The following PREX1 variants were observed in gnomAD, a reference collection of about 807,000 sequenced individuals.
The protein encoded by PREX1 is phosphatidylinositol 3,4,5-trisphosphate-dependent Rac exchanger 1 protein.
PREX1 carries 41 observed loss-of-function variants against 198.3 expected under a neutral mutation model. That is an observed-to-expected ratio of 0.21 (90% CI 0.16 to 0.27). PREX1 has a LOEUF of 0.27. Among genes scored for constraint, PREX1 ranks in the 10% least tolerant of loss-of-function variants. The pLI is 1.00. For missense variants in PREX1, 1,620 were observed against 2,200.7 expected (o/e 0.74, Z 5.28); for synonymous variants, 843 against 887.2 (o/e 0.95, Z 0.89).
chr20:48,751,500 G>C (rs534125196), intron 1 of PREX1, among the ~76,000 whole-genome samples: 8 of 152,198 alleles, frequency 5.3e-5, no homozygotes, highest in Admixed American at 4.6e-4. Context: ...TGGGCAGCTC[G>C]TGACCCGGAA....
intron 11 of PREX1, 30 bp downstream of exon 11, chr20:48,681,205 T>C (rs2089747380): frequency 6.3e-7 from 1 of 1,596,140 alleles, no homozygotes; most frequent in Admixed American, 1.7e-5. Context: ...TCCCACCCCT[T>C]GGCCCAGCTG....
intron 6 of PREX1, among the ~76,000 whole-genome samples, chr20:48,707,899 C>A (rs2089910554): frequency 6.6e-6 from 1 of 152,116 alleles, no homozygotes; most frequent in Non-Finnish European, 1.5e-5. Flanking sequence ...GGAGTGGACA[C>A]TAGAACCCGA....
intron 14 of PREX1, among the ~76,000 whole-genome samples, chr20:48,671,909 C>T (rs1271597260): frequency 6.6e-6 from 1 of 152,240 alleles, no homozygotes; most frequent in Non-Finnish European, 1.5e-5. Context: ...TGGATGGACA[C>T]ATTGCATGGT....
At chr20:48,821,026 C>T (rs2090482023) in intron 1 of PREX1, among the ~76,000 whole-genome samples, 1 of 152,104 alleles carries the variant, frequency 6.6e-6, no homozygotes, top group Non-Finnish European at 1.5e-5. Flanking sequence ...ATGGTGAAAC[C>T]CTGTCTCTAC....
chr20:48,780,223 G>T (rs1471561622), intron 1 of PREX1, among the ~76,000 whole-genome samples: 1 of 152,156 alleles, frequency 6.6e-6, no homozygotes. Context: ...CCAATTAAAA[G>T]AGCTAGGGGT....
chr20:48,636,282 T>C (rs1195914960), intron 32 of PREX1, among the ~76,000 whole-genome samples, 181 bp downstream of exon 32: 1 of 152,262 alleles, frequency 6.6e-6, no homozygotes, highest in African/African-American at 2.4e-5. Flanking sequence ...GGGACTCTGT[T>C]TTGTTCACTG....
chr20:48,631,905 C>T (rs2089317011), intron 35 of PREX1, among the ~76,000 whole-genome samples: 1 of 152,112 alleles, frequency 6.6e-6, no homozygotes, highest in African/African-American at 2.4e-5. Context: ...CACTCACAGG[C>T]CCAAGAGTCC....
intron 18 of PREX1, chr20:48,656,585 G>A (rs1199642662): frequency 2.2e-6 from 1 of 456,060 alleles, no homozygotes; most frequent in Non-Finnish European, 4.4e-6. Flanking sequence ...TCTTCCTCCA[G>A]AAATCCCCTT....
At chr20:48,636,158 C>T (rs1207373847) in intron 32 of PREX1, among the ~76,000 whole-genome samples, 2 of 152,240 alleles carry the variant, frequency 1.3e-5, no homozygotes, top group Non-Finnish European at 2.9e-5. Context: ...TACCAAGTGT[C>T]CCCTAGTGGG....
the PREX1 span, among the ~76,000 whole-genome samples, chr20:48,835,574 C>G: frequency 2.7e-3 from 417 of 152,242 alleles, no homozygotes; most frequent in Middle Eastern, 0.014. Context: ...GGGAGTGGGC[C>G]CCACCTGTGT....
At chr20:48,647,976 G>A (rs992262947) in intron 25 of PREX1, among the ~76,000 whole-genome samples, 5 of 152,298 alleles carry the variant, frequency 3.3e-5, no homozygotes, top group Admixed American at 3.3e-4. Context: ...TGCAATCATG[G>A]CTTACTGCAG....
intron 1 of PREX1, among the ~76,000 whole-genome samples, chr20:48,782,893 G>A (rs1023667406): frequency 3.9e-5 from 6 of 152,174 alleles, no homozygotes; most frequent in Non-Finnish European, 5.9e-5. Flanking sequence ...GTCTAAGGTG[G>A]GGTTAGCAAG....
chr20:48,716,079 A>G (rs1287039308), intron 5 of PREX1, among the ~76,000 whole-genome samples: 1 of 152,072 alleles, frequency 6.6e-6, no homozygotes, highest in Non-Finnish European at 1.5e-5. Flanking sequence ...GGTCCTGGGG[A>G]TCCTTTAGAA....
chr20:48,834,088 C>CAA, the PREX1 span, among the ~76,000 whole-genome samples: 6 of 129,332 alleles, frequency 4.6e-5, no homozygotes, highest in African/African-American at 1.4e-4. Flanking sequence ...GACTCAGTCT[C>CAA]AAAAAAAAAA....
chr20:48,726,737 T>C (rs895362884), intron 4 of PREX1, among the ~76,000 whole-genome samples: 1 of 152,070 alleles, frequency 6.6e-6, no homozygotes, highest in Non-Finnish European at 1.5e-5. Flanking sequence ...TACAGAAAAA[T>C]TCACCCATTC....
chr20:48,709,975 T>C (rs2089923076), intron 5 of PREX1, among the ~76,000 whole-genome samples: 1 of 152,198 alleles, frequency 6.6e-6, no homozygotes, highest in African/African-American at 2.4e-5. Flanking sequence ...CTGGTCTGCA[T>C]CATCAGGCCC....
At chr20:48,635,770 GGCCCCCA>G (rs1181291807) in intron 32 of PREX1, among the ~76,000 whole-genome samples, 1 of 152,202 alleles carries the variant, frequency 6.6e-6, no homozygotes, top group Non-Finnish European at 1.5e-5. Context: ...GTCAGCTTCA[GGCCCCCA>G]GCTCCCAGCT....
At position 48,657,010 on chromosome 20, in the gene PREX1, C is replaced by T. The variant is rs1341191165; in HGVS notation, c.2123+30G>A. ...CCACCACTCAGCCTGAGAGGGAGGG[C>T]TGCCGGACACCCCGCCCTGGGACAC... On this transcript the variant is annotated intron_variant, in intron 18 of 39. Transcript: ENST00000371941. 15 of 1,558,522 alleles carry T rather than the reference C, an allele frequency of 9.6e-6. No individual in the cohort carries two copies. In the Admixed American group the frequency reaches 2.5e-4, roughly 26 times the overall value.
At chr20:48,765,674 C>T (rs1368492103) in intron 1 of PREX1, among the ~76,000 whole-genome samples, 2 of 152,160 alleles carry the variant, frequency 1.3e-5, no homozygotes. Context: ...GGCTTCAGAG[C>T]CAAGTCTCTT....
Sources: allele counts gnomAD v4.1 joint callset (sites outside exome capture counted in the v4.1 genomes callset), GRCh38; gene constraint gnomAD v4.1.1; transcripts MANE v1.5; gene names NCBI Gene and HGNC (gene_info 2026-07-23, HGNC 2026-07-21).